DTD1: variants seen among roughly 807,000 people sequenced by gnomAD.
DTD1 encodes the protein D-tyrosyl-tRNA deacylase 1 homolog.
In DTD1, 13 loss-of-function variants were observed where a neutral mutation model predicts 25.6. The observed-to-expected ratio is 0.51, with a 90% CI of 0.33 to 0.81. DTD1 has a LOEUF of 0.81. DTD1 is among the 30% of genes least tolerant of loss of function. DTD1 has a pLI of 0.02. For synonymous variants in DTD1, 110 were observed against 103.6 expected (o/e 1.06, Z -0.37); for missense variants, 193 against 266.4 (o/e 0.72, Z 1.92).
At chr20:18,672,499 T>A (rs1481735583) in intron 4 of DTD1, among the ~76,000 whole-genome samples, 1 of 152,064 alleles carries the variant, frequency 6.6e-6, no homozygotes, top group Non-Finnish European at 1.5e-5. Context: ...ATACTAACTT[T>A]CAAGAAAAAA....
chr20:18,653,942 G>C (rs1477363416), intron 4 of DTD1, among the ~76,000 whole-genome samples: 1 of 152,238 alleles, frequency 6.6e-6, no homozygotes, highest in Non-Finnish European at 1.5e-5. Flanking sequence ...ACTTGTTCAA[G>C]GTCATGTGAC....
intron 4 of DTD1, among the ~76,000 whole-genome samples, chr20:18,722,792 TG>T (rs1427528403): frequency 6.6e-6 from 1 of 152,108 alleles, no homozygotes; most frequent in Non-Finnish European, 1.5e-5. Context: ...GCCAGGTAAA[TG>T]GCAGGCTGGT....
At chr20:18,653,050 G>C (rs1011791758) in intron 4 of DTD1, among the ~76,000 whole-genome samples, 1 of 152,188 alleles carries the variant, frequency 6.6e-6, no homozygotes, top group Admixed American at 6.5e-5. Context: ...CCCAGCTGCA[G>C]CTTGGGGCTT....
rs754859014 is a variant in DTD1, at chr20:18,766,612, G to C, written c.*3272G>C. 2.0e-5 allele frequency: 3 copies of C among 151,846 alleles called. No homozygotes were observed. The highest frequency in any genetic ancestry group is 1.3e-4 in the Admixed American group (2 of 15,236). 9.4% of individuals were successfully genotyped at this position (151,846 alleles called of 1,614,324 possible). A position where few individuals can be genotyped will look rare whatever the true frequency, so the allele number is the denominator to read the frequency against. ...CAAAAAATTAGCCGGGCGTGGTGGCGGGTGCCTTAGTCCCAGCTACTCGGG... is the reference window on the plus strand; with the variant it reads ...CAAAAAATTAGCCGGGCGTGGTGGCCGGTGCCTTAGTCCCAGCTACTCGGG... On this transcript the variant is annotated 3_prime_UTR_variant, in exon 6 of 6. Coordinates refer to ENST00000377452, the MANE Select transcript of DTD1 (RefSeq NM_080820.6).
intron 3 of DTD1, among the ~76,000 whole-genome samples, chr20:18,597,987 G>T (rs974226439): frequency 9.1e-6 from 1 of 109,982 alleles, no homozygotes; most frequent in African/African-American, 3.2e-5. Context: ...CCAACATTTT[G>T]TCTTTTTTTG....
chr20:18,753,811 T>C lies in DTD1; in HGVS notation c.*19+9540T>C, dbSNP rs1428131216. On this transcript the variant is annotated intron_variant, in intron 5 of 5. Transcript: ENST00000377452. ...TCCATTCGTAATTAGGAAATCATTCTTTTCATGTTCTATCTGTGAAGTCAG... is the reference window on the plus strand; with the variant it reads ...TCCATTCGTAATTAGGAAATCATTCCTTTCATGTTCTATCTGTGAAGTCAG... Among the ~76,000 whole-genome samples the C allele has an allele frequency of 2.0e-5, 3 of 152,220 alleles. No homozygotes were observed. In the East Asian group the frequency reaches 5.8e-4, roughly 29 times the overall value.
intron 5 of DTD1, among the ~76,000 whole-genome samples, chr20:18,748,851 T>C (rs2061310939): frequency 1.3e-5 from 2 of 152,146 alleles, no homozygotes; most frequent in Non-Finnish European, 2.9e-5. Flanking sequence ...GGTGCTATTG[T>C]GAATCACCCA....
At position 18,666,513 on chromosome 20, in the gene DTD1, A is replaced by T. The variant is rs560960781; in HGVS notation, c.477+38280A>T. Among the ~76,000 whole-genome samples, 5 of 151,874 alleles carry T rather than the reference A, an allele frequency of 3.3e-5. No homozygotes were observed. The South Asian group carries it at 1.0e-3, about 32-fold the overall frequency. ...AGATTTAATTGCAGATAAACAAGAA[A>T]TTTTTTTTTAGTGTGTGTCCCTTGC... On this transcript the variant is annotated intron_variant, in intron 4 of 5. Transcript: ENST00000377452.
intron 5 of DTD1, among the ~76,000 whole-genome samples, chr20:18,761,263 G>C (rs1439260142): frequency 6.6e-6 from 1 of 152,104 alleles, no homozygotes; most frequent in East Asian, 1.9e-4. Context: ...CCAGTGAGAT[G>C]AACCCTGTAC....
chr20:18,762,411 C>G (rs2061366594), intron 5 of DTD1, among the ~76,000 whole-genome samples: 1 of 152,130 alleles, frequency 6.6e-6, no homozygotes, highest in African/African-American at 2.4e-5. Flanking sequence ...CAAAAGGAAA[C>G]CCTGAGACAC....
intron 3 of DTD1, among the ~76,000 whole-genome samples, chr20:18,605,935 A>G (rs2060655140): frequency 6.7e-6 from 1 of 150,326 alleles, no homozygotes; most frequent in Non-Finnish European, 1.5e-5. Flanking sequence ...ATGGGATCTA[A>G]TTAAACTAAA....
At chr20:18,656,405 T>C (rs149757307) in intron 4 of DTD1, among the ~76,000 whole-genome samples, 61 of 152,338 alleles carry the variant, frequency 4.0e-4, no homozygotes, top group Middle Eastern at 3.4e-3. Flanking sequence ...ACTACACGGT[T>C]TGGCAAGAGT....
At position 18,618,633 on chromosome 20, in the gene DTD1, A is replaced by C. The variant is rs147843694; in HGVS notation, c.371-9494A>C. Among the ~76,000 whole-genome samples, 363 of 150,592 alleles carry C rather than the reference A, an allele frequency of 2.4e-3. 7 individuals are homozygous for C. The highest frequency in any genetic ancestry group is 0.02 in the Admixed American group (297 of 14,992). On this transcript the variant is annotated intron_variant, in intron 3 of 5. Coordinates refer to ENST00000377452, the MANE Select transcript of DTD1 (RefSeq NM_080820.6). ...TGTGTGTATATATGTATATGTATAT[A>C]TAATTATACACATATATGTGTATAT... is the stretch of plus-strand genomic sequence containing the variant.
chr20:18,655,998 C>T (rs34399899), intron 4 of DTD1, among the ~76,000 whole-genome samples: 4 of 151,988 alleles, frequency 2.6e-5, no homozygotes, highest in Admixed American at 1.3e-4. Context: ...CTTGAACTCC[C>T]GACCTCAGAT....
At chr20:18,653,488 G>A (rs906366238) in intron 4 of DTD1, among the ~76,000 whole-genome samples, 1 of 152,172 alleles carries the variant, frequency 6.6e-6, no homozygotes, top group Non-Finnish European at 1.5e-5. Context: ...TGATTTTTGA[G>A]TGTGAAATAA....
chr20:18,596,206 A>G lies in DTD1; in HGVS notation c.335A>G (p.Gln112Arg). ...GGCTTCTACAACAGCTTCCTGGAGC[A>G]GCTGCGTAAAACATACAGGCCGGAG... ...AEGFYNSFLE[Q>R]LRKTYRPELI... Residue 112 changes from glutamine (Q) to arginine (R), a missense_variant, in exon 3 of 6, where the codon CAG becomes CGG. Physicochemically the swap from Gln to Arg is conservative, Grantham distance 43 (BLOSUM62 1). Transcript: ENST00000377452. 1 of 1,614,200 alleles carries G rather than the reference A, an allele frequency of 6.2e-7. No individual in the cohort carries two copies. The highest frequency in any genetic ancestry group is 2.2e-5 in the East Asian group (1 of 44,888).
intron 4 of DTD1, among the ~76,000 whole-genome samples, chr20:18,713,494 G>A (rs1208110095): frequency 6.6e-6 from 1 of 152,202 alleles, no homozygotes; most frequent in Non-Finnish European, 1.5e-5. Flanking sequence ...GGCTGTGGGT[G>A]TCTGCATTGG....
rs2061378080 is a variant in DTD1 at position 18,766,066 on chromosome 20, T to G, written c.*2726T>G. 1 of 152,220 alleles carries G rather than the reference T, an allele frequency of 6.6e-6. No individual in the cohort carries two copies. Among genetic ancestry groups the G allele is most frequent in the Non-Finnish European group, 1.5e-5 (1 of 68,042 alleles). The allele number at this position is 152,220 out of a possible 1,614,324, so 9.4% of individuals were successfully genotyped here. A position where few individuals can be genotyped will look rare whatever the true frequency, so the allele number is the denominator to read the frequency against. On this transcript the variant is annotated 3_prime_UTR_variant, in exon 6 of 6. Coordinates refer to ENST00000377452, the MANE Select transcript of DTD1 (RefSeq NM_080820.6). ...ACCAAATAAAGGCATCTTTGGGGGC[T>G]GGATGTCCATAGCAGCACCTCATGG...
At chr20:18,725,191 G>A (rs1481136667) in intron 4 of DTD1, among the ~76,000 whole-genome samples, 1 of 152,230 alleles carries the variant, frequency 6.6e-6, no homozygotes, top group Non-Finnish European at 1.5e-5. Flanking sequence ...GGTTTATGCA[G>A]AAATTTCTAG....
Sources: gnomAD v4.1 joint callset for allele counts (sites outside exome capture counted in the v4.1 genomes callset) on GRCh38, gnomAD v4.1.1 for gene constraint, MANE v1.5 for transcripts, NCBI Gene and HGNC (gene_info 2026-07-23, HGNC 2026-07-21) for gene names.